ARHGEF10: variants seen among roughly 807,000 people sequenced by gnomAD.
ARHGEF10 encodes the protein Rho guanine nucleotide exchange factor (GEF) 10.
A neutral mutation model predicts 147.4 loss-of-function variants in ARHGEF10; 140 were observed. The ratio of observed to expected loss-of-function variants is 0.95; its 90% CI spans 0.83 to 1.09. ARHGEF10 has a LOEUF of 1.09. Ranked by LOEUF, ARHGEF10 falls within the 50% of genes least tolerant of loss-of-function variation. The probability of loss-of-function intolerance (pLI) is 0.00; values close to 1 mark genes in which losing one functional copy is unlikely to be tolerated. For synonymous variants in ARHGEF10, 902 were observed against 695.8 expected (o/e 1.30, Z -4.67); for missense variants, 2,222 against 1,752.7 (o/e 1.27, Z -4.78).
intron 7 of ARHGEF10, chr8:1,876,363 TC>T: frequency 1.6e-6 from 1 of 612,438 alleles, no homozygotes; most frequent in Non-Finnish European, 2.9e-6. Context: ...GAAGTGCTTT[TC>T]CCCAGCCTCC....
Position 1,909,418 on chromosome 8 carries a change from C to T in ARHGEF10, c.2091C>T (p.His697=), listed in dbSNP as rs377562604. 6.2e-6 allele frequency: 10 copies of T among 1,614,014 alleles called. No homozygotes were observed. Among genetic ancestry groups the T allele is most frequent in the East Asian group, 4.5e-5 (2 of 44,890 alleles). The stretch of plus-strand genomic sequence containing the variant: ...CAGGCACGGGCGAGCACAGCAGGCA[C>T]CTTGCCGTTCACCCGCCGGAGAGCC... ...SSAGTGEHSR[H]LAVHPPESLA... Residue 697 remains histidine (H), a synonymous_variant, in exon 18 of 29, where the codon CAC becomes CAT. Transcript: ENST00000349830.
At chr8:1,935,704 A>C (rs1241040686) in intron 26 of ARHGEF10, among the ~76,000 whole-genome samples, 1 of 152,284 alleles carries the variant, frequency 6.6e-6, no homozygotes, top group East Asian at 1.9e-4. Flanking sequence ...ACGCACATCT[A>C]AGGGTATCCA....
intron 25 of ARHGEF10, among the ~76,000 whole-genome samples, chr8:1,931,811 G>T (rs1196643991): frequency 2.0e-5 from 3 of 146,936 alleles, no homozygotes; most frequent in Non-Finnish European, 4.5e-5. Flanking sequence ...TTGGGATCCT[G>T]CTGAGGGCTC....
intron 26 of ARHGEF10, chr8:1,944,009 A>G (rs981321335): frequency 1.4e-5 from 2 of 144,750 alleles, no homozygotes; most frequent in Admixed American, 6.8e-5. Context: ...CAGTGATGGG[A>G]CTTGGGGCCG....
intron 26 of ARHGEF10, 123 bp from the exon 27 acceptor site, chr8:1,945,358 A>T: frequency 8.2e-7 from 1 of 1,218,286 alleles, no homozygotes; most frequent in Non-Finnish European, 1.2e-6. Context: ...TGTGATTTGG[A>T]GCAAAGCCTG....
intron 4 of ARHGEF10, 103 bp from the exon 5 acceptor site, chr8:1,864,270 G>A (rs1806393030): frequency 1.7e-6 from 2 of 1,169,822 alleles, no homozygotes; most frequent in East Asian, 2.3e-5. Flanking sequence ...ATAAGCCTCT[G>A]ATTGATAGGA....
intron 18 of ARHGEF10, among the ~76,000 whole-genome samples, chr8:1,916,157 G>C (rs959317123): frequency 2.0e-4 from 30 of 152,210 alleles, no homozygotes; most frequent in Non-Finnish European, 4.0e-4. Flanking sequence ...CCCACGGAAA[G>C]GTGCACACGC....
At chr8:1,896,552 A>T in intron 14 of ARHGEF10, 103 bp downstream of exon 14, 1 of 848,948 alleles carries the variant, frequency 1.2e-6, no homozygotes, top group Non-Finnish European at 2.0e-6. Context: ...AGATTTCAGT[A>T]TCAATAGTGC....
At chr8:1,854,608 T>C (rs1805409886) in intron 2 of ARHGEF10, among the ~76,000 whole-genome samples, 1 of 150,666 alleles carries the variant, frequency 6.6e-6, no homozygotes, top group African/African-American at 2.5e-5. Flanking sequence ...CCAAGCCCCT[T>C]CCAAGCCCCT....
intron 26 of ARHGEF10, among the ~76,000 whole-genome samples, chr8:1,944,967 G>A (rs993124534): frequency 2.7e-4 from 41 of 152,374 alleles, no homozygotes; most frequent in Middle Eastern, 3.4e-3. Flanking sequence ...TCGGAGCTGC[G>A]GGGCTGCAGC....
At chr8:1,881,435 C>T (rs111961141) in intron 9 of ARHGEF10, among the ~76,000 whole-genome samples, 2,361 of 152,222 alleles carry the variant, frequency 0.016, 24 homozygotes, top group African/African-American at 0.022. Flanking sequence ...CTGTGCAGGA[C>T]GGAAACGCGC....
chr8:1,887,634 G>C (rs963692701), intron 11 of ARHGEF10, among the ~76,000 whole-genome samples: 2 of 131,062 alleles, frequency 1.5e-5, no homozygotes, highest in African/African-American at 6.1e-5. Flanking sequence ...TGAGGAGACT[G>C]TGAGTGAGCT....
At chr8:1,865,535 A>G (rs1184235580) in intron 5 of ARHGEF10, among the ~76,000 whole-genome samples, 7 of 130,472 alleles carry the variant, frequency 5.4e-5, no homozygotes, top group East Asian at 2.4e-4. Context: ...ACCAGGACAC[A>G]GGGCGTCCCC....
intron 18 of ARHGEF10, among the ~76,000 whole-genome samples, chr8:1,917,070 A>G (rs1563281302): frequency 6.6e-6 from 1 of 152,236 alleles, no homozygotes; most frequent in Non-Finnish European, 1.5e-5. Flanking sequence ...GCATACTGCA[A>G]GCTTCTTCAG....
intron 15 of ARHGEF10, among the ~76,000 whole-genome samples, chr8:1,899,336 T>C (rs1360801187): frequency 6.6e-6 from 1 of 152,216 alleles, no homozygotes; most frequent in Non-Finnish European, 1.5e-5. Flanking sequence ...TTTCTGCCTG[T>C]GTTGATTTTT....
chr8:1,896,495 C>G (rs1217507616), intron 14 of ARHGEF10, 46 bp downstream of exon 14: 1 of 1,306,372 alleles, frequency 7.7e-7, no homozygotes, highest in African/African-American at 1.5e-5. Context: ...CATCTGATAA[C>G]AAGTTACATG....
chr8:1,917,140 C>T (rs1366185876), intron 18 of ARHGEF10, among the ~76,000 whole-genome samples: 1 of 152,200 alleles, frequency 6.6e-6, no homozygotes, highest in African/African-American at 2.4e-5. Flanking sequence ...CTGATAATTT[C>T]CTTAGAAGTG....
chr8:1,952,587 G>C (rs1815143103), intron 27 of ARHGEF10, 118 bp from the exon 28 acceptor site: 3 of 1,377,734 alleles, frequency 2.2e-6, no homozygotes, highest in Non-Finnish European at 3.0e-6. Context: ...GCCACATCCT[G>C]CCCCTGGCGG....
intron 7 of ARHGEF10, among the ~76,000 whole-genome samples, chr8:1,873,089 G>T (rs1409137601): frequency 6.6e-6 from 1 of 152,214 alleles, no homozygotes; most frequent in Admixed American, 6.5e-5. Context: ...GCGAGGCCCA[G>T]TGTGTCCCCT....
Sources: gnomAD v4.1 joint callset for allele counts (sites outside exome capture counted in the v4.1 genomes callset) on GRCh38, gnomAD v4.1.1 for gene constraint, MANE v1.5 for transcripts, NCBI Gene and HGNC (gene_info 2026-07-23, HGNC 2026-07-21) for gene names.